TENM4: variants seen among roughly 807,000 people sequenced by gnomAD.
The protein encoded by TENM4 is teneurin transmembrane protein 4.
TENM4 carries 82 observed loss-of-function variants against 243.3 expected under a neutral mutation model. The ratio of observed to expected loss-of-function variants is 0.34; its 90% confidence interval spans 0.28 to 0.40. TENM4 has a LOEUF of 0.40. Ranked by LOEUF, TENM4 falls within the 10% of genes least tolerant of loss-of-function variation. The pLI is 1.00. For missense variants in TENM4, 3,138 were observed against 3,673.3 expected (o/e 0.85, Z 3.77); for synonymous variants, 1,412 against 1,456.3 (o/e 0.97, Z 0.69).
At chr11:79,157,789 A>C (rs901276891) in intron 3 of TENM4, among the ~76,000 whole-genome samples, 2 of 152,108 alleles carry the variant, frequency 1.3e-5, no homozygotes, top group African/African-American at 4.8e-5. Context: ...TGTATTGGTA[A>C]ATTCTGTCTG....
chr11:78,670,323 G>A lies in TENM4; in HGVS notation c.6022C>T (p.Arg2008Cys). 3 of 1,613,876 alleles carry A rather than the reference G, an allele frequency of 1.9e-6. No homozygotes were observed. Among genetic ancestry groups the A allele is most frequent in the Non-Finnish European group, 2.5e-6 (3 of 1,179,862 alleles). Residue 2008 changes from arginine to cysteine, a missense_variant, in exon 32 of 34, where the codon CGC becomes TGC. Physicochemically the swap from Arg to Cys is radical, Grantham distance 180 (BLOSUM62 -3). This residue lies in a region of TENM4 where 2,467 missense variants were observed against 3,059.1 expected (regional missense o/e 0.81). Coordinates refer to ENST00000278550, the MANE Select transcript of TENM4 (RefSeq NM_001098816.3). ...TTGCCATACTTGTATATCACCCTGC[G>A]GCCAGTGCCCAGGTAGAAGGTGTGA... Reference protein sequence around the residue: ...LLHTFYLGTGRRVIYKYGKLS... With the variant: ...LLHTFYLGTGCRVIYKYGKLS...
intron 16 of TENM4, 89 bp from the exon 17 acceptor site, chr11:78,778,717 A>G: frequency 7.9e-7 from 1 of 1,260,790 alleles, no homozygotes; most frequent in South Asian, 1.3e-5. Flanking sequence ...CTACACAGAC[A>G]AAGGGATTGT....
intron 2 of TENM4, among the ~76,000 whole-genome samples, chr11:79,258,067 C>A (rs1053070387): frequency 3.9e-5 from 6 of 152,152 alleles, no homozygotes; most frequent in African/African-American, 9.7e-5. Context: ...TTGGTGTTAT[C>A]CCCCTTACAT....
At chr11:78,991,745 A>G (rs924791112) in intron 6 of TENM4, among the ~76,000 whole-genome samples, 2 of 152,180 alleles carry the variant, frequency 1.3e-5, no homozygotes, top group Non-Finnish European at 2.9e-5. Flanking sequence ...CCATGGACCC[A>G]TGCTACTTTG....
intron 1 of TENM4, among the ~76,000 whole-genome samples, chr11:79,323,948 T>C (rs1056277711): frequency 2.7e-4 from 41 of 151,988 alleles, no homozygotes; most frequent in African/African-American, 9.9e-4. Context: ...TACATAAAGC[T>C]ACATATACAC....
chr11:78,830,409 G>C (rs903013127), intron 12 of TENM4, among the ~76,000 whole-genome samples: 1 of 152,196 alleles, frequency 6.6e-6, no homozygotes, highest in African/African-American at 2.4e-5. Flanking sequence ...CTCACTGTTG[G>C]CTGTTAAACT....
intron 1 of TENM4, among the ~76,000 whole-genome samples, chr11:79,338,030 G>A (rs1055981348): frequency 6.6e-6 from 1 of 152,202 alleles, no homozygotes; most frequent in Non-Finnish European, 1.5e-5. Flanking sequence ...GCGCAAGCAC[G>A]TATTTGGGAT....
intron 6 of TENM4, among the ~76,000 whole-genome samples, chr11:79,062,354 T>A (rs566055400): frequency 2.0e-5 from 3 of 151,614 alleles, no homozygotes; most frequent in Non-Finnish European, 4.4e-5. Context: ...GAATTCTACA[T>A]CTGGAAGGGC....
intron 4 of TENM4, among the ~76,000 whole-genome samples, chr11:79,142,084 A>G (rs1409918936): frequency 6.6e-6 from 1 of 152,114 alleles, no homozygotes; most frequent in Non-Finnish European, 1.5e-5. Flanking sequence ...GAACGTAACA[A>G]TGATGCCCAC....
chr11:79,427,619 T>C (rs550488894), intron 1 of TENM4, among the ~76,000 whole-genome samples: 44 of 152,342 alleles, frequency 2.9e-4, no homozygotes, highest in Admixed American at 2.5e-3. Context: ...GGCAAGATTA[T>C]GGGTTCTTTT....
intron 6 of TENM4, among the ~76,000 whole-genome samples, chr11:78,915,139 T>C (rs995826042): frequency 6.6e-6 from 1 of 152,212 alleles, no homozygotes; most frequent in African/African-American, 2.4e-5. Flanking sequence ...ACACCACTCA[T>C]GAAACTGCTC....
chr11:79,027,397 C>G (rs773849641), intron 6 of TENM4, among the ~76,000 whole-genome samples: 3 of 152,220 alleles, frequency 2.0e-5, no homozygotes, highest in Non-Finnish European at 4.4e-5. Context: ...GATCACACAA[C>G]TCTTCTGTGG....
intron 2 of TENM4, among the ~76,000 whole-genome samples, chr11:79,283,920 C>T (rs1856203231): frequency 6.6e-6 from 1 of 151,748 alleles, no homozygotes; most frequent in African/African-American, 2.4e-5. Flanking sequence ...ATGAACAATC[C>T]AAAAATGCAA....
intron 4 of TENM4, among the ~76,000 whole-genome samples, chr11:79,127,198 C>T (rs1861897590): frequency 6.6e-6 from 1 of 152,184 alleles, no homozygotes; most frequent in South Asian, 2.1e-4. Flanking sequence ...CAAATGGAAG[C>T]CATTAGAGCT....
chr11:78,850,456 T>C (rs1858509781), intron 12 of TENM4, among the ~76,000 whole-genome samples: 1 of 152,162 alleles, frequency 6.6e-6, no homozygotes, highest in South Asian at 2.1e-4. Flanking sequence ...CCATAATGAC[T>C]TCACTAAAAC....
chr11:79,192,747 A>C (rs1005582871), intron 3 of TENM4, among the ~76,000 whole-genome samples: 23 of 146,732 alleles, frequency 1.6e-4, no homozygotes, highest in African/African-American at 5.6e-4. Context: ...ATGATCAATA[A>C]AAAAAAAATA....
chr11:78,841,070 C>T lies in TENM4; in HGVS notation c.1681+13034G>A, dbSNP rs530599851. ...TGCATGTTACTGCCAATAACAATAG[C>T]GAACACTTATATAGCACCTATTACA... On this transcript the variant is annotated intron_variant, in intron 12 of 33. Transcript: ENST00000278550. 2.6e-4 allele frequency among the ~76,000 whole-genome samples: 40 copies of T among 152,286 alleles called. No individual in the cohort carries two copies. The East Asian group carries it at 4.4e-3, about 17-fold the overall frequency.
chr11:79,147,122 C>T lies in TENM4; in HGVS notation c.-66+1588G>A, dbSNP rs538880872. On this transcript the variant is annotated intron_variant, in intron 4 of 33. Transcript: ENST00000278550. ...ACACAGTCAGCTCATCTGAGTTCCC[C>T]CCTTTCTTCTGATTTGCAAAGTATT... Among the ~76,000 whole-genome samples the T allele has an allele frequency of 3.9e-5, 6 of 152,236 alleles. No individual in the cohort carries two copies. In the East Asian group the frequency reaches 1.2e-3, roughly 29 times the overall value.
chr11:79,050,261 C>A (rs1011500800), intron 6 of TENM4, among the ~76,000 whole-genome samples: 5 of 152,150 alleles, frequency 3.3e-5, no homozygotes, highest in African/African-American at 1.2e-4. Flanking sequence ...AAAAGTGACA[C>A]GATCTTTTTT....
Sources: allele counts gnomAD v4.1 joint callset (sites outside exome capture counted in the v4.1 genomes callset), GRCh38; gene constraint gnomAD v4.1.1; regional missense constraint gnomAD v4.1.1; transcripts MANE v1.5; gene names NCBI Gene and HGNC (gene_info 2026-07-23, HGNC 2026-07-21).